The following LAMB4 variants were observed in gnomAD, a reference collection of about 807,000 sequenced individuals.
LAMB4 encodes laminin subunit beta 4.
A neutral mutation model predicts 199.2 loss-of-function variants in LAMB4; 196 were observed. The ratio of observed to expected loss-of-function variants is 0.98; its 90% CI spans 0.88 to 1.11. The LOEUF is 1.11. Ranked by LOEUF, LAMB4 falls within the 50% of genes least tolerant of loss-of-function variation. The pLI is 0.00. For synonymous variants in LAMB4, 744 were observed against 770.6 expected (o/e 0.97, Z 0.57); for missense variants, 2,080 against 2,171.2 (o/e 0.96, Z 0.83).
chr7:108,013,265 A>G, the LAMB4 span, among the ~76,000 whole-genome samples: 1 of 152,222 alleles, frequency 6.6e-6, no homozygotes, highest in Non-Finnish European at 1.5e-5. Context: ...ACATTTAGGA[A>G]TGACGGAATA....
chr7:108,126,204 A>G (rs2038772089), intron 1 of LAMB4, among the ~76,000 whole-genome samples: 1 of 152,158 alleles, frequency 6.6e-6, no homozygotes, highest in Non-Finnish European at 1.5e-5. Context: ...TTTTTGAAAT[A>G]TTTATTTTTA....
intron 14 of LAMB4, among the ~76,000 whole-genome samples, chr7:108,086,713 A>C (rs1407866946): frequency 6.6e-6 from 1 of 152,192 alleles, no homozygotes; most frequent in Non-Finnish European, 1.5e-5. Flanking sequence ...AGATGTGGTC[A>C]TTTCAAGAAA....
Position 108,043,785 on chromosome 7 carries a change from G to A in LAMB4, c.4438C>T (p.Leu1480Phe), listed in dbSNP as rs201766269. 8.0e-5 allele frequency: 127 copies of A among 1,594,230 alleles called. 1 individual carries two copies. The East Asian group carries it at 2.5e-3, about 32-fold the overall frequency. Residue 1480 changes from leucine to phenylalanine, a missense_variant, in exon 29 of 34, where the codon CTT (leucine) becomes TTT (phenylalanine). Physicochemically the swap from Leu to Phe is conservative, Grantham distance 22. Transcript: ENST00000388781. ...QSDSEEENIN[L>F]FIKKVKNFLL... Reference sequence around the variant, plus strand: ...AAGTTTTTCACTTTTTTGATGAAAAGATTGATGTTTTCTTCTTCAGAGTCA... The same window carrying A: ...AAGTTTTTCACTTTTTTGATGAAAAAATTGATGTTTTCTTCTTCAGAGTCA...
chr7:108,102,736 G>A (rs571089770), intron 10 of LAMB4, among the ~76,000 whole-genome samples: 36 of 152,250 alleles, frequency 2.4e-4, no homozygotes, highest in African/African-American at 8.7e-4. Flanking sequence ...ACAGCCAGTC[G>A]AATGTTTTAG....
Position 108,076,992 on chromosome 7 carries a change from C to G in LAMB4, c.2076G>C (p.Gln692His). The G allele has an allele frequency of 6.2e-7, 1 of 1,614,030 alleles. No homozygotes were observed. The highest frequency in any genetic ancestry group is 8.5e-7 in the Non-Finnish European group (1 of 1,179,946). ...VQYSIDVYFS[Q>H]PLQGESHAHS... ...GAGCGTGGGACTCTCCTTGCAAAGG[C>G]TGAGAAAAATAGACATCTATGGAAT... The change falls in exon 17 of 34, where the codon CAG becomes CAC. Residue 692 changes from glutamine (Q) to histidine (H), a missense_variant. Transcript: ENST00000388781.
At chr7:108,087,727 C>T (rs1161830864) in intron 14 of LAMB4, among the ~76,000 whole-genome samples, 1 of 125,308 alleles carries the variant, frequency 8.0e-6, no homozygotes, top group Non-Finnish European at 1.7e-5. Context: ...AGCCACTCCT[C>T]AGCATTTACC....
At chr7:108,113,562 C>G (rs2038304989) in intron 3 of LAMB4, among the ~76,000 whole-genome samples, 1 of 152,124 alleles carries the variant, frequency 6.6e-6, no homozygotes. Context: ...TAGGCCCATC[C>G]CAGTGACCAG....
rs368751041 is a variant in LAMB4 at position 108,109,212 on chromosome 7, C to T, written c.361G>A (p.Glu121Lys). The change falls in exon 5 of 34, where the codon GAG (glutamate) becomes AAG (lysine). Residue 121 changes from glutamate (E) to lysine (K), a missense_variant. By Grantham distance (56) the Glu-to-Lys change is moderately conservative (BLOSUM62 1). Coordinates refer to ENST00000388781, the MANE Select transcript of LAMB4 (RefSeq NM_007356.3). ...AGGTGGCTGAACCGAAATAATGCCT[C>T]TAAGTCCAGTCTGATGCTGACATGA... Reference protein sequence around the residue: ...LDHVSIRLDLEALFRFSHLIL... With the variant: ...LDHVSIRLDLKALFRFSHLIL... 2.0e-5 allele frequency: 32 copies of T among 1,613,700 alleles called. No individual in the cohort carries two copies. Among genetic ancestry groups the T allele is most frequent in the Non-Finnish European group, 2.7e-5 (32 of 1,179,814 alleles).
chr7:108,084,658 G>T (rs2037094546), intron 14 of LAMB4, among the ~76,000 whole-genome samples: 1 of 151,988 alleles, frequency 6.6e-6, no homozygotes, highest in African/African-American at 2.4e-5. Flanking sequence ...AGGTAAGTGT[G>T]TTACTAACGT....
At chr7:108,085,352 T>C (rs2037128805) in intron 14 of LAMB4, among the ~76,000 whole-genome samples, 1 of 152,200 alleles carries the variant, frequency 6.6e-6, no homozygotes, top group African/African-American at 2.4e-5. Flanking sequence ...CATGTGTGAG[T>C]TGAAATGTTC....
At chr7:108,022,768 G>T (rs879856599), downstream of LAMB4, among the ~76,000 whole-genome samples, 1 of 152,026 alleles carries the variant, frequency 6.6e-6, no homozygotes, top group African/African-American at 2.4e-5. Flanking sequence ...TCATATTTAT[G>T]TATAATTCTA....
At chr7:108,026,807 G>A in intron 33 of LAMB4, 3 of 471,712 alleles carry the variant, frequency 6.4e-6, no homozygotes, top group South Asian at 4.8e-5. Flanking sequence ...CTTCCTAACA[G>A]AGAGGAACAG....
chr7:108,092,016 G>T (rs543402006), intron 13 of LAMB4, among the ~76,000 whole-genome samples: 6 of 150,824 alleles, frequency 4.0e-5, no homozygotes, highest in African/African-American at 1.2e-4. Flanking sequence ...ACCCCCCACT[G>T]CCAGGTTCTG....
intron 17 of LAMB4, among the ~76,000 whole-genome samples, chr7:108,076,113 T>A (rs936563834): frequency 6.6e-6 from 1 of 152,126 alleles, no homozygotes; most frequent in African/African-American, 2.4e-5. Flanking sequence ...ATATCAAATA[T>A]ATGTATATTT....
At chr7:108,106,074 A>G (rs753646711) in intron 7 of LAMB4, 43 bp from the exon 8 acceptor site, 4 of 1,466,882 alleles carry the variant, frequency 2.7e-6, no homozygotes, top group Non-Finnish European at 9.6e-7. Context: ...TTTGAGGTGC[A>G]TCAGTTCAAG....
At chr7:108,059,620 G>A (rs2150540822) in intron 23 of LAMB4, among the ~76,000 whole-genome samples, 1 of 152,274 alleles carries the variant, frequency 6.6e-6, no homozygotes, top group Admixed American at 6.5e-5. Context: ...ACAGATAATG[G>A]GACAGTAACT....
chr7:108,111,874 T>C lies in LAMB4; in HGVS notation c.265A>G (p.Ile89Val). The C allele has an allele frequency of 1.2e-6, 2 of 1,612,134 alleles. No individual in the cohort carries two copies. Among genetic ancestry groups the C allele is most frequent in the Non-Finnish European group, 8.5e-7 (1 of 1,178,980 alleles). Reference sequence around the variant, plus strand: ...TCAAAACTTACAATGACATTCTCAATGGTGTGGCTGTTGGGTTGGTCATAC... The same window carrying C: ...TCAAAACTTACAATGACATTCTCAACGGTGTGGCTGTTGGGTTGGTCATAC... ...DPYDQPNSHT[I>V]ENVIVSFEPD... is the part of the protein sequence containing the mutation. Residue 89 changes from isoleucine (I) to valine (V), a missense_variant, in exon 4 of 34, where the codon ATT (isoleucine) becomes GTT (valine). Coordinates refer to ENST00000388781, the MANE Select transcript of LAMB4 (RefSeq NM_007356.3).
At chr7:108,112,876 T>A (rs2038281379) in intron 3 of LAMB4, among the ~76,000 whole-genome samples, 1 of 152,234 alleles carries the variant, frequency 6.6e-6, no homozygotes, top group African/African-American at 2.4e-5. Context: ...CAGTGCACGT[T>A]GCTTGTATGT....
intron 5 of LAMB4, among the ~76,000 whole-genome samples, 200 bp downstream of exon 5, chr7:108,108,971 A>G (rs1376267736): frequency 6.6e-6 from 1 of 152,142 alleles, no homozygotes; most frequent in Non-Finnish European, 1.5e-5. Flanking sequence ...TTTTTAAAAA[A>G]ATCATATAGT....
Sources: gnomAD v4.1 joint callset for allele counts (sites outside exome capture counted in the v4.1 genomes callset) on GRCh38, gnomAD v4.1.1 for gene constraint, MANE v1.5 for transcripts, NCBI Gene and HGNC (gene_info 2026-07-23, HGNC 2026-07-21) for gene names.